Variants in TCF25 observed in about 807,000 individuals in gnomAD.
TCF25 encodes the protein ribosome quality control complex subunit TCF25.
A neutral mutation model predicts 83.1 loss-of-function variants in TCF25; 41 were observed. The ratio of observed to expected loss-of-function variants is 0.49; its 90% CI spans 0.38 to 0.64. The LOEUF is 0.64. Among genes scored for constraint, TCF25 ranks in the 30% least tolerant of loss-of-function variants. The probability of loss-of-function intolerance (pLI) is 0.00; values close to 1 mark genes in which losing one functional copy is unlikely to be tolerated. For missense variants in TCF25, 979 were observed against 914.5 expected, an observed-to-expected ratio of 1.07 and a Z score of -0.91; for synonymous variants, 458 against 365.0, an observed-to-expected ratio of 1.25 and a Z score of -2.90.
chr16:89,903,046 T>C (rs2044476739), intron 12 of TCF25, among the ~76,000 whole-genome samples: 1 of 152,214 alleles, frequency 6.6e-6, no homozygotes, highest in Non-Finnish European at 1.5e-5. Flanking sequence ...AAGAAGCACC[T>C]TTGTCCTCCT....
intron 17 of TCF25, 95 bp downstream of exon 17, chr16:89,910,758 G>C (rs1339463809): frequency 4.3e-6 from 6 of 1,397,914 alleles, no homozygotes; most frequent in Non-Finnish European, 5.0e-6. Flanking sequence ...CCAGGACTGT[G>C]CCAGCCGGCA....
In TCF25 at chr16:89,887,652, A is replaced by G. The variant is rs777579559; in HGVS notation, c.549A>G (p.Arg183=). The G allele has an allele frequency of 1.3e-5, 20 of 1,581,944 alleles. No homozygotes were observed. In the Admixed American group the frequency reaches 3.2e-4, roughly 25 times the overall value. ...SRKHVLYVEH[R]HLNPDTELKR... ...TTTTCTACAATTTTCAATTCCCCAGACACTTGAATCCAGACACAGAACTGA... is the reference window on the plus strand; with the variant it reads ...TTTTCTACAATTTTCAATTCCCCAGGCACTTGAATCCAGACACAGAACTGA... The change falls in exon 5 of 18, where the codon AGA becomes AGG. Residue 183 remains arginine, a splice_region_variant and synonymous_variant. Transcript: ENST00000263346.
At chr16:89,897,039 A>AAAG (rs59611764) in intron 9 of TCF25, among the ~76,000 whole-genome samples, 172 of 151,904 alleles carry the variant, frequency 1.1e-3, no homozygotes, top group African/African-American at 3.4e-3. Context: ...AAAAAAAAAA[A>AAAG]AAGAAGAAGA....
At chr16:89,892,315 G>A in intron 6 of TCF25, 40 bp downstream of exon 6, 1 of 1,585,462 alleles carries the variant, frequency 6.3e-7, no homozygotes, top group Non-Finnish European at 8.6e-7. Context: ...GAGGGTTGGG[G>A]GGCGTTGTCT....
chr16:89,902,517 GTC>G (rs2044418178), intron 12 of TCF25, among the ~76,000 whole-genome samples: 1 of 141,200 alleles, frequency 7.1e-6, no homozygotes, highest in Middle Eastern at 3.2e-3. Context: ...GTGAAACCAC[GTC>G]TCTACTAAAA....
intron 7 of TCF25, among the ~76,000 whole-genome samples, chr16:89,894,662 C>T (rs1012984508): frequency 7.2e-5 from 11 of 152,140 alleles, no homozygotes; most frequent in Non-Finnish European, 1.3e-4. Flanking sequence ...GTAATTCCCC[C>T]GTTTTTGTTT....
At chr16:89,883,221 C>G (rs906103848) in intron 1 of TCF25, 130 bp from the exon 2 acceptor site, 102 of 1,246,976 alleles carry the variant, frequency 8.2e-5, no homozygotes, top group Middle Eastern at 2.6e-4. Context: ...TTGCATCTTT[C>G]CCGTCCAGCG....
At chr16:89,910,815 C>T in intron 17 of TCF25, 152 bp downstream of exon 17, 2 of 1,011,424 alleles carry the variant, frequency 2.0e-6, no homozygotes, top group Non-Finnish European at 2.9e-6. Context: ...GTGGGGTGCC[C>T]ATTCTGCCGG....
At chr16:89,880,768 C>T (rs893924304) in intron 1 of TCF25, among the ~76,000 whole-genome samples, 2 of 152,156 alleles carry the variant, frequency 1.3e-5, no homozygotes, top group African/African-American at 4.8e-5. Flanking sequence ...TAAGAGACAT[C>T]ATCATTAGTT....
intron 13 of TCF25, 84 bp from the exon 14 acceptor site, chr16:89,904,854 C>G: frequency 6.7e-7 from 1 of 1,503,228 alleles, no homozygotes; most frequent in Non-Finnish European, 9.0e-7. Flanking sequence ...GACCCCCCGT[C>G]TGCCCATCCA....
At chr16:89,899,428 A>C (rs1460584699) in intron 11 of TCF25, among the ~76,000 whole-genome samples, 5 of 152,326 alleles carry the variant, frequency 3.3e-5, no homozygotes, top group African/African-American at 1.2e-4. Context: ...TCTTTAATGC[A>C]GCTCCCAGAA....
intron 12 of TCF25, 27 bp from the exon 13 acceptor site, chr16:89,904,091 C>T: frequency 6.3e-7 from 1 of 1,593,298 alleles, no homozygotes; most frequent in Non-Finnish European, 8.5e-7. Flanking sequence ...GCTGAGGGCC[C>T]CCACAGAGCC....
chr16:89,893,230 A>G (rs144891732), intron 6 of TCF25, among the ~76,000 whole-genome samples: 70 of 152,342 alleles, frequency 4.6e-4, no homozygotes, highest in Middle Eastern at 3.4e-3. Flanking sequence ...CCATACACCC[A>G]GTCAGACAAG....
rs1448871429 is a variant in TCF25, at chr16:89,901,399, A to T, written c.1381+605A>T. 4.6e-5 allele frequency among the ~76,000 whole-genome samples: 7 copies of T among 151,758 alleles called. No individual in the cohort carries two copies. In the East Asian group the frequency reaches 1.4e-3, roughly 29 times the overall value. ...AGGGGTGAGGGTGAAATCCCTCCTTAAGACGAGCCTCCTCTGAGGGGCTGT... is the reference window on the plus strand; with the variant it reads ...AGGGGTGAGGGTGAAATCCCTCCTTTAGACGAGCCTCCTCTGAGGGGCTGT... On this transcript the variant is annotated intron_variant, in intron 12 of 17. Coordinates refer to ENST00000263346, the MANE Select transcript of TCF25 (RefSeq NM_014972.3).
At chr16:89,907,101 C>T in intron 15 of TCF25, 142 bp from the exon 16 acceptor site, 3 of 844,900 alleles carry the variant, frequency 3.6e-6, no homozygotes, top group Non-Finnish European at 5.8e-6. Context: ...ACAAAAAGCA[C>T]AGCCGTTTCT....
chr16:89,884,458 T>G, intron 2 of TCF25, 124 bp from the exon 3 acceptor site: 1 of 933,522 alleles, frequency 1.1e-6, no homozygotes, highest in Non-Finnish European at 1.6e-6. Context: ...TGAAGGAACT[T>G]TTGGGACACG....
chr16:89,887,713 C>A lies in TCF25; in HGVS notation c.610C>A (p.Gln204Lys). ...TGGTGCCCGGGCAATCCTGGGGGAG[C>A]AAAGGTAAGGTCCACAGTGAGCTGC... is the stretch of plus-strand genomic sequence containing the variant. The part of the protein sequence containing the change: ...YFGARAILGE[Q>K]RPRQRQRVYP... Residue 204 changes from glutamine (Q) to lysine (K), a missense_variant, in exon 5 of 18, where the codon CAA (glutamine) becomes AAA (lysine). Gln to Lys is a moderately conservative substitution (Grantham distance 53). Coordinates refer to ENST00000263346, the MANE Select transcript of TCF25 (RefSeq NM_014972.3). 6.3e-7 allele frequency: 1 copy of A among 1,587,372 alleles called. No homozygotes were observed. Among genetic ancestry groups the A allele is most frequent in the South Asian group, 1.2e-5 (1 of 86,708 alleles).
intron 4 of TCF25, among the ~76,000 whole-genome samples, chr16:89,886,848 A>C (rs1395635393): frequency 6.6e-6 from 1 of 151,774 alleles, no homozygotes; most frequent in Non-Finnish European, 1.5e-5. Flanking sequence ...GAGGCAGGAG[A>C]ATCGCTTGAA....
In TCF25 at chr16:89,883,235, C is replaced by T. The variant is rs879395723; in HGVS notation, c.193-116C>T. 1.0e-4 allele frequency: 144 copies of T among 1,398,044 alleles called. 1 individual carries two copies. In the Admixed American group the frequency reaches 2.4e-3, roughly 23 times the overall value. The allele number at this position is 1,398,044 out of a possible 1,614,324, so 86.6% of individuals were successfully genotyped here. A position where few individuals can be genotyped will look rare whatever the true frequency, so the allele number is the denominator to read the frequency against. On this transcript the variant is annotated intron_variant, in intron 1 of 17. Coordinates refer to ENST00000263346, the MANE Select transcript of TCF25 (RefSeq NM_014972.3). The stretch of plus-strand genomic sequence containing the variant: ...CTTGCATCTTTCCCGTCCAGCGTCT[C>T]GCACTGACCCTGGGGGTCCCCAACG...
Sources: gnomAD v4.1 joint callset for allele counts (sites outside exome capture counted in the v4.1 genomes callset) on GRCh38, gnomAD v4.1.1 for gene constraint, MANE v1.5 for transcripts, NCBI Gene and HGNC (gene_info 2026-07-23, HGNC 2026-07-21) for gene names.